The following PLD3 variants were observed in gnomAD, a reference collection of about 807,000 sequenced individuals.
PLD3 encodes the protein phospholipase D family member 3.
In PLD3, 31 loss-of-function variants were observed where a neutral mutation model predicts 58.4. The ratio of observed to expected loss-of-function variants is 0.53; its 90% CI spans 0.40 to 0.72. PLD3 has a LOEUF of 0.72. Ranked by LOEUF, PLD3 falls within the 30% of genes least tolerant of loss-of-function variation. The pLI, the probability that PLD3 is intolerant of heterozygous loss-of-function variation, is 0.00. For missense variants in PLD3, 595 were observed against 659.8 expected, an observed-to-expected ratio of 0.90 and a Z score of 1.08; for synonymous variants, 264 against 273.4, an observed-to-expected ratio of 0.97 and a Z score of 0.34.
intron 8 of PLD3, 153 bp downstream of exon 8, chr19:40,370,390 A>C: frequency 5.1e-6 from 4 of 791,700 alleles, no homozygotes; most frequent in South Asian, 1.8e-5. Flanking sequence ...TCCCTAATCC[A>C]AGCCATGCAC....
In PLD3 at chr19:40,365,834, C is replaced by T. The variant is rs2078905973; in HGVS notation, c.-162C>T. 1 of 153,802 alleles carries T rather than the reference C, an allele frequency of 6.5e-6. No homozygotes were observed. Among genetic ancestry groups the T allele is most frequent in the Non-Finnish European group, 1.4e-5 (1 of 69,004 alleles). The allele number at this position is 153,802 out of a possible 1,614,324, so 9.5% of individuals were successfully genotyped here. A position where few individuals can be genotyped will look rare whatever the true frequency, so the allele number is the denominator to read the frequency against. On this transcript the variant is annotated 5_prime_UTR_variant, in exon 2 of 13. Coordinates refer to ENST00000409735, the MANE Select transcript of PLD3 (RefSeq NM_012268.4). The stretch of plus-strand genomic sequence containing the variant: ...TGGGCGGAGCTCCCACAGGCCCCGC[C>T]CCCTCCTCCCACCCTCGTTCAGCCT...
Position 40,374,809 on chromosome 19 carries a change from ATTACAGAGGAGACAGGGATGAGGTTT to A in PLD3, c.1019+190_1019+215del, listed in dbSNP as rs891612888. 6.6e-6 allele frequency: 4 copies of A among 608,326 alleles called. No individual in the cohort carries two copies. The African/African-American group carries it at 7.4e-5, about 11-fold the overall frequency. 37.7% of individuals were successfully genotyped at this position (608,326 alleles called of 1,614,324 possible). ...GGCACTTGAGACAGGAGAAAGAGAGATTACAGAGGAGACAGGGATGAGGTTTCAGGACAAGGTTTGAGGGAACAGAG... is the reference window on the plus strand; with the variant it reads ...GGCACTTGAGACAGGAGAAAGAGAGACAGGACAAGGTTTGAGGGAACAGAG... On this transcript the variant is annotated intron_variant, in intron 10 of 12. Transcript: ENST00000409735.
At position 40,376,709 on chromosome 19, in the gene PLD3, A is replaced by T; in HGVS notation, c.1120A>T (p.Met374Leu). Residue 374 changes from methionine (M) to leucine (L), a missense_variant, in exon 11 of 13, where the codon ATG becomes TTG. Physicochemically the swap from Met to Leu is conservative, Grantham distance 15. Transcript: ENST00000409735. ...ISCWGHSEPS[M>L]RAFLLSLAAL... ...CTGCTGGGGACACTCGGAGCCATCC[A>T]TGCGGGCCTTCCTGCTCTCTCTGGC... The T allele has an allele frequency of 6.2e-7, 1 of 1,603,610 alleles. No individual in the cohort carries two copies.
chr19:40,362,172 GTATC>G (rs2078803757), intron 1 of PLD3, among the ~76,000 whole-genome samples: 1 of 152,128 alleles, frequency 6.6e-6, no homozygotes, highest in African/African-American at 2.4e-5. Flanking sequence ...GTTCACAGCT[GTATC>G]CCCAGTGCCT....
At chr19:40,373,750 G>A (rs934689584) in intron 9 of PLD3, among the ~76,000 whole-genome samples, 2 of 152,032 alleles carry the variant, frequency 1.3e-5, no homozygotes, top group African/African-American at 4.8e-5. Context: ...ACTTTGGGAG[G>A]CCTAGGCAGG....
In PLD3 at chr19:40,371,772, T is replaced by C. The variant is rs769569621; in HGVS notation, c.778T>C (p.Ser260Pro). 2.5e-6 allele frequency: 4 copies of C among 1,613,962 alleles called. No individual in the cohort carries two copies. The South Asian group carries it at 4.4e-5, about 18-fold the overall frequency. The part of the protein sequence containing the change: ...AYWFLGQAGS[S>P]IPSTWPRFYD... Reference sequence around the variant, plus strand: ...CTGGTTCCTGGGCCAGGCAGGCAGCTCCATCCCATCAACTTGGCCCCGGTT... The same window carrying C: ...CTGGTTCCTGGGCCAGGCAGGCAGCCCCATCCCATCAACTTGGCCCCGGTT... The change falls in exon 9 of 13, where the codon TCC becomes CCC. Residue 260 changes from serine (S) to proline (P), a missense_variant. By Grantham distance (74) the Ser-to-Pro change is moderately conservative. Coordinates refer to ENST00000409735, the MANE Select transcript of PLD3 (RefSeq NM_012268.4).
chr19:40,378,273 C>T lies in PLD3; in HGVS notation c.*100C>T, dbSNP rs760201260. The T allele has an allele frequency of 8.1e-6, 9 of 1,116,128 alleles. No individual in the cohort carries two copies. Among genetic ancestry groups the T allele is most frequent in the African/African-American group, 1.5e-5 (1 of 65,884 alleles). The allele number at this position is 1,116,128 out of a possible 1,614,324, so 69.1% of individuals were successfully genotyped here. On this transcript the variant is annotated 3_prime_UTR_variant, in exon 13 of 13. Transcript: ENST00000409735. Reference sequence around the variant, plus strand: ...CCCGCGCCCCCGCTTCTGTCTGCCCCATTGTGGCTCCTCAGGCTCTCTCCC... The same window carrying T: ...CCCGCGCCCCCGCTTCTGTCTGCCCTATTGTGGCTCCTCAGGCTCTCTCCC...
chr19:40,376,528 G>T, intron 10 of PLD3, 81 bp from the exon 11 acceptor site: 1 of 1,390,548 alleles, frequency 7.2e-7, no homozygotes, highest in Non-Finnish European at 9.9e-7. Context: ...GCCCAGGCTT[G>T]GTTCCCCAAA....
chr19:40,355,847 G>A (rs1200781574), intron 1 of PLD3: 1 of 152,122 alleles, frequency 6.6e-6, no homozygotes, highest in Non-Finnish European at 1.5e-5. Flanking sequence ...CCCATCATTA[G>A]GCACTGCCAG....
At chr19:40,373,613 G>A (rs1159606433) in intron 9 of PLD3, among the ~76,000 whole-genome samples, 1 of 150,806 alleles carries the variant, frequency 6.6e-6, no homozygotes, top group South Asian at 2.1e-4. Flanking sequence ...GGGAGCGGGG[G>A]AACTGGGAAG....
intron 5 of PLD3, chr19:40,367,438 A>G: frequency 2.6e-6 from 1 of 384,504 alleles, no homozygotes; most frequent in Non-Finnish European, 4.7e-6. Flanking sequence ...AAAAGTAACC[A>G]GGCATACTGG....
intron 10 of PLD3, chr19:40,376,382 G>T: frequency 2.1e-6 from 1 of 482,168 alleles, no homozygotes; most frequent in South Asian, 3.5e-5. Flanking sequence ...AATAAAAGAG[G>T]ATGACAACAC....
chr19:40,360,537 C>T (rs1600279678), intron 1 of PLD3: 1 of 147,878 alleles, frequency 6.8e-6, no homozygotes, highest in Non-Finnish European at 1.5e-5. Flanking sequence ...TTTGAAGTTG[C>T]ACCACTGCAC....
At chr19:40,367,087 A>G (rs1440993750) in intron 5 of PLD3, 172 bp downstream of exon 5, 3 of 647,168 alleles carry the variant, frequency 4.6e-6, no homozygotes, top group African/African-American at 3.7e-5. Flanking sequence ...CATAGTTTCT[A>G]TGGCAGCCAC....
chr19:40,378,330 G>C lies in PLD3; in HGVS notation c.*157G>C. On this transcript the variant is annotated 3_prime_UTR_variant, in exon 13 of 13. Transcript: ENST00000409735. ...TCCCACCTCTACCTCCACCCCCACC[G>C]GCCTGACGCTGTGGCCCCGGGACCC... 2.6e-6 allele frequency: 2 copies of C among 755,808 alleles called. No individual in the cohort carries two copies. The highest frequency in any genetic ancestry group is 4.6e-6 in the Non-Finnish European group (2 of 431,206). The allele number at this position is 755,808 out of a possible 1,614,324, so 46.8% of individuals were successfully genotyped here.
intron 10 of PLD3, among the ~76,000 whole-genome samples, chr19:40,376,055 A>G (rs912314233): frequency 6.6e-6 from 1 of 150,422 alleles, no homozygotes; most frequent in African/African-American, 2.5e-5. Context: ...CCTGTCTCAA[A>G]AAGAAAAAAA....
intron 9 of PLD3, among the ~76,000 whole-genome samples, chr19:40,372,339 C>A (rs1385657099): frequency 6.6e-6 from 1 of 151,036 alleles, no homozygotes; most frequent in African/African-American, 2.4e-5. Flanking sequence ...AACAAACAAA[C>A]AAACAAAACT....
chr19:40,363,414 A>ATG (rs2078835203), intron 1 of PLD3, among the ~76,000 whole-genome samples: 1 of 150,836 alleles, frequency 6.6e-6, no homozygotes, highest in South Asian at 2.1e-4. Context: ...TTCTTGCTAG[A>ATG]TTTGTTTGTT....
chr19:40,370,534 G>A (rs887105237), intron 8 of PLD3: 5 of 257,676 alleles, frequency 1.9e-5, no homozygotes, highest in South Asian at 4.8e-5. Context: ...TAAGCCCGGT[G>A]TGGTGGCACA....
Sources: gnomAD v4.1 joint callset for allele counts (sites outside exome capture counted in the v4.1 genomes callset) on GRCh38, gnomAD v4.1.1 for gene constraint, MANE v1.5 for transcripts, NCBI Gene and HGNC (gene_info 2026-07-23, HGNC 2026-07-21) for gene names.